Variants in ZBTB37 observed in about 807,000 individuals in gnomAD.
ZBTB37 encodes the protein zinc finger and BTB domain containing 37, also known as zinc finger and BTB domain-containing protein 37.
Under a neutral mutation model 37.7 loss-of-function variants are expected in ZBTB37, and 15 were observed. The ratio of observed to expected loss-of-function variants is 0.40; its 90% CI spans 0.27 to 0.61. ZBTB37 has a LOEUF of 0.61. Ranked by LOEUF, ZBTB37 falls within the 20% of genes least tolerant of loss-of-function variation. The pLI is 0.44. For synonymous variants in ZBTB37, 231 were observed against 220.6 expected (o/e 1.05, Z -0.42); for missense variants, 514 against 641.9 (o/e 0.80, Z 2.15).
intron 4 of ZBTB37, among the ~76,000 whole-genome samples, chr1:173,881,280 G>T (rs559545427): frequency 6.6e-6 from 1 of 152,288 alleles, no homozygotes; most frequent in African/African-American, 2.4e-5. Context: ...CAAAGGACAT[G>T]AACTCATCCT....
exon 4 of ZBTB37, chr1:173,894,128 A>G (rs964002635): frequency 6.6e-6 from 1 of 152,270 alleles, no homozygotes; most frequent in Non-Finnish European, 1.5e-5. Context: ...GAATATTTTC[A>G]GTGGATATTG....
chr1:173,896,199 G>C (rs1362443976), exon 4 of ZBTB37: 1 of 152,144 alleles, frequency 6.6e-6, no homozygotes, highest in African/African-American at 2.4e-5. Context: ...AGATTAATTA[G>C]ATTTTATCAT....
chr1:173,894,977 T>C (rs1656988180), exon 4 of ZBTB37: 1 of 152,200 alleles, frequency 6.6e-6, no homozygotes, highest in African/African-American at 2.4e-5. Context: ...TCATTTATCT[T>C]ATAGCAAAAT....
chr1:173,881,250 C>T (rs61609614), intron 4 of ZBTB37, among the ~76,000 whole-genome samples: 17,263 of 151,638 alleles, frequency 0.11, 1,060 homozygotes, highest in Middle Eastern at 0.18. Flanking sequence ...TGATGGTTTC[C>T]ACCTTCATCC....
At chr1:173,884,748 A>G (rs1032625038) in intron 4 of ZBTB37, among the ~76,000 whole-genome samples, 2 of 152,248 alleles carry the variant, frequency 1.3e-5, no homozygotes, top group South Asian at 2.1e-4. Flanking sequence ...TATATATTCT[A>G]TACTATCTGA....
chr1:173,872,605 T>G (rs539258103), intron 3 of ZBTB37, among the ~76,000 whole-genome samples: 65 of 152,248 alleles, frequency 4.3e-4, no homozygotes, highest in African/African-American at 1.6e-3. Context: ...AGTTCTCGGG[T>G]GATGGGTGCA....
At position 173,882,286 on chromosome 1, in the gene ZBTB37, G is replaced by C. The variant is rs576903479; in HGVS notation, c.1024-3350G>C. On this transcript the variant is annotated intron_variant, in intron 4 of 4. Coordinates refer to ENST00000427304, the Ensembl canonical transcript of ZBTB37. ...AGACAGAGTCTGGCTCTGTCGTCCA[G>C]GCTGGAGTGCAGTGGCGCAATCTCT... 3.4e-4 allele frequency among the ~76,000 whole-genome samples: 45 copies of C among 132,930 alleles called. 1 individual carries two copies. Among genetic ancestry groups the C allele is most frequent in the African/African-American group, 1.2e-3 (43 of 34,702 alleles). The allele number at this position is 132,930 out of a possible 152,430, so 87.2% of individuals were successfully genotyped here.
At chr1:173,872,314 C>T (rs1655625040) in intron 3 of ZBTB37, among the ~76,000 whole-genome samples, 2 of 151,920 alleles carry the variant, frequency 1.3e-5, no homozygotes, top group African/African-American at 4.8e-5. Flanking sequence ...ACCTCGTGAC[C>T]CACCTGCCTC....
intron 2 of ZBTB37, among the ~76,000 whole-genome samples, chr1:173,869,698 G>A (rs1655388814): frequency 6.6e-6 from 1 of 152,204 alleles, no homozygotes; most frequent in Admixed American, 6.5e-5. Flanking sequence ...CTACATTCAT[G>A]TGGGATATTA....
At chr1:173,898,905 C>G (rs1374072494) in exon 4 of ZBTB37, 3 of 152,202 alleles carry the variant, frequency 2.0e-5, no homozygotes, top group Non-Finnish European at 4.4e-5. Context: ...ATTATATTGT[C>G]TAAATGTCTA....
intron 3 of ZBTB37, among the ~76,000 whole-genome samples, chr1:173,871,764 T>C (rs929539597): frequency 6.6e-6 from 1 of 152,166 alleles, no homozygotes; most frequent in African/African-American, 2.4e-5. Context: ...ACAATCTCCC[T>C]TTTTTTCACC....
chr1:173,896,408 C>A (rs978867560), exon 4 of ZBTB37: 43 of 152,286 alleles, frequency 2.8e-4, no homozygotes, highest in Admixed American at 2.5e-3. Flanking sequence ...AATGAAAAAT[C>A]TTAATGATGA....
chr1:173,884,030 G>A (rs1227900920), intron 4 of ZBTB37, among the ~76,000 whole-genome samples: 1 of 151,876 alleles, frequency 6.6e-6, no homozygotes, highest in African/African-American at 2.4e-5. Flanking sequence ...ATTTAAAAAG[G>A]TTTTTATTCC....
exon 4 of ZBTB37, chr1:173,898,295 T>C (rs1262102000): frequency 6.6e-6 from 1 of 151,920 alleles, no homozygotes; most frequent in Non-Finnish European, 1.5e-5. Flanking sequence ...ACCCCGTCTC[T>C]ACTAAAAATA....
chr1:173,892,888 TC>T (rs1346762553), exon 4 of ZBTB37: 1 of 152,088 alleles, frequency 6.6e-6, no homozygotes, highest in African/African-American at 2.4e-5. Flanking sequence ...GAATACACCA[TC>T]CGGTTAAGAA....
chr1:173,895,429 AT>A (rs1657007376), exon 4 of ZBTB37: 1 of 152,024 alleles, frequency 6.6e-6, no homozygotes, highest in African/African-American at 2.4e-5. Context: ...AAATAATTTG[AT>A]TTCTTGGAGA....
exon 4 of ZBTB37, chr1:173,896,415 A>C (rs1657049448): frequency 6.6e-6 from 1 of 152,224 alleles, no homozygotes; most frequent in Non-Finnish European, 1.5e-5. Context: ...AATCTTAATG[A>C]TGATCTATGG....
chr1:173,872,736 G>A (rs1230586785), intron 3 of ZBTB37, among the ~76,000 whole-genome samples: 3 of 152,050 alleles, frequency 2.0e-5, no homozygotes, highest in Non-Finnish European at 4.4e-5. Context: ...GGCCAGGTGT[G>A]GTGGCTCACA....
chr1:173,890,678 C>A (rs147160734), downstream of ZBTB37: 73 of 152,260 alleles, frequency 4.8e-4, no homozygotes, highest in African/African-American at 1.7e-3. Flanking sequence ...TTAGGACTTA[C>A]GGAATTAGAT....
Sources: allele counts gnomAD v4.1 joint callset (sites outside exome capture counted in the v4.1 genomes callset), GRCh38; gene constraint gnomAD v4.1.1; transcripts MANE v1.5; gene names NCBI Gene and HGNC (gene_info 2026-07-23, HGNC 2026-07-21).